Variants in GALC observed in about 807,000 individuals in gnomAD.
GALC encodes galactocerebrosidase.
Under a neutral mutation model 91.8 loss-of-function variants are expected in GALC, and 77 were observed. The observed-to-expected ratio is 0.84, with a 90% confidence interval of 0.70 to 1.01. The LOEUF is 1.01. GALC is among the 50% of genes least tolerant of loss of function. The probability of loss-of-function intolerance (pLI) is 0.00; values close to 1 mark genes in which losing one functional copy is unlikely to be tolerated. For missense variants in GALC, 882 were observed against 855.9 expected, an observed-to-expected ratio of 1.03 and a Z score of -0.38; for synonymous variants, 357 against 306.7, an observed-to-expected ratio of 1.16 and a Z score of -1.71.
intron 10 of GALC, among the ~76,000 whole-genome samples, chr14:87,958,973 G>A (rs533338897): frequency 4.2e-4 from 64 of 152,134 alleles, no homozygotes; most frequent in African/African-American, 1.4e-3. Context: ...CACAGACAAC[G>A]CAAAAATAGA....
chr14:87,993,228 G>A (rs1887314662), upstream of GALC: 2 of 1,547,204 alleles, frequency 1.3e-6, no homozygotes, highest in South Asian at 1.2e-5. Flanking sequence ...GATAGATACG[G>A]GCAGGAGGCC....
chr14:87,976,237 T>C, intron 7 of GALC, 121 bp downstream of exon 7: 1 of 1,008,870 alleles, frequency 9.9e-7, no homozygotes, highest in Non-Finnish European at 1.5e-6. Flanking sequence ...TTCAGGTAAG[T>C]GAATACAGGA....
intron 5 of GALC, among the ~76,000 whole-genome samples, chr14:87,983,445 T>C (rs1038525396): frequency 2.6e-5 from 4 of 152,242 alleles, no homozygotes; most frequent in Non-Finnish European, 5.9e-5. Context: ...ATGCCCTGTA[T>C]CATCATGTAG....
intron 16 of GALC, 56 bp from the exon 17 acceptor site, chr14:87,934,934 C>T (rs1355133279): frequency 1.1e-5 from 15 of 1,336,032 alleles, no homozygotes; most frequent in Non-Finnish European, 1.6e-5. Flanking sequence ...CCTCTGAAGT[C>T]TGTTTCTTGA....
Position 87,968,400 on chromosome 14 carries a change from A to G in GALC, c.843T>C (p.Ser281=). 6.2e-7 allele frequency: 1 copy of G among 1,613,842 alleles called. No homozygotes were observed. The change falls in exon 8 of 17, where the codon AGT becomes AGC. Residue 281 remains serine, a synonymous_variant. Coordinates refer to ENST00000261304, the MANE Select transcript of GALC (RefSeq NM_000153.4). ...WSSEDFSTLN[S]DMGAGCWGRI... ...GACCCCAGCAGCCTGCACCCATGTCACTATTTAAAGTGCTAAAGTCTTCAG... is the reference window on the plus strand; with the variant it reads ...GACCCCAGCAGCCTGCACCCATGTCGCTATTTAAAGTGCTAAAGTCTTCAG...
intron 2 of GALC, 89 bp from the exon 3 acceptor site, chr14:87,988,296 G>T: frequency 2.2e-6 from 3 of 1,365,108 alleles, no homozygotes; most frequent in Non-Finnish European, 3.1e-6. Flanking sequence ...TTTTACAGAC[G>T]CAAAAACAAA....
chr14:87,941,306 T>C (rs1884838366), intron 15 of GALC, 89 bp downstream of exon 15: 2 of 866,212 alleles, frequency 2.3e-6, no homozygotes, highest in African/African-American at 3.4e-5. Context: ...GGTTGAATTC[T>C]TTTTATCACT....
intron 8 of GALC, 33 bp downstream of exon 8, chr14:87,968,302 G>A: frequency 6.5e-7 from 1 of 1,547,502 alleles, no homozygotes; most frequent in Admixed American, 1.9e-5. Flanking sequence ...AATTTTTTTT[G>A]ATAAGAACTC....
At chr14:87,964,764 T>G (rs955250072) in intron 9 of GALC, among the ~76,000 whole-genome samples, 2 of 152,150 alleles carry the variant, frequency 1.3e-5, no homozygotes, top group African/African-American at 4.8e-5. Flanking sequence ...AAACCCAATT[T>G]GCCTCCATTG....
intron 10 of GALC, among the ~76,000 whole-genome samples, chr14:87,959,187 A>C (rs1035325209): frequency 1.3e-4 from 20 of 152,328 alleles, no homozygotes; most frequent in Middle Eastern, 3.4e-3. Flanking sequence ...TCTCAGAAGA[A>C]GACATACAAA....
chr14:87,936,914 T>TATATA (rs60680373), intron 16 of GALC, among the ~76,000 whole-genome samples: 3,055 of 105,588 alleles, frequency 0.029, 393 homozygotes, highest in African/African-American at 0.091. Context: ...ATATATATAT[T>TATATA]TATTTATTTT....
intron 6 of GALC, among the ~76,000 whole-genome samples, chr14:87,978,216 T>TAATTTTATATTTTTAG (rs1474529324): frequency 6.6e-6 from 1 of 152,158 alleles, no homozygotes; most frequent in African/African-American, 2.4e-5. Flanking sequence ...CATGCCTGGC[T>TAATTTTATATTTTTAG]AATTTTATAT....
rs1288442454 is a variant in GALC at position 87,941,427 on chromosome 14, G to A, written c.1802C>T (p.Ala601Val). 2 of 1,606,356 alleles carry A rather than the reference G, an allele frequency of 1.2e-6. No homozygotes were observed. Among genetic ancestry groups the A allele is most frequent in the African/African-American group, 1.3e-5 (1 of 74,132 alleles). Reference protein sequence around the residue: ...SARGIFFWIFANGSYRVTGDL... With the variant: ...SARGIFFWIFVNGSYRVTGDL... ...ACCTGTAACCCTGTAAGATCCATTT[G>A]CAAAAATCCAGAAGAAAATTCCTCT... The change falls in exon 15 of 17, where the codon GCA becomes GTA. Residue 601 changes from alanine (A) to valine (V), a missense_variant. Coordinates refer to ENST00000261304, the MANE Select transcript of GALC (RefSeq NM_000153.4).
At chr14:87,937,705 T>A (rs1232184787) in intron 16 of GALC, among the ~76,000 whole-genome samples, 1 of 151,368 alleles carries the variant, frequency 6.6e-6, no homozygotes, top group African/African-American at 2.4e-5. Context: ...ATGCCTCACA[T>A]CCTATTGATA....
At chr14:87,958,000 A>G (rs933865486) in intron 10 of GALC, among the ~76,000 whole-genome samples, 2 of 152,278 alleles carry the variant, frequency 1.3e-5, no homozygotes, top group Admixed American at 1.3e-4. Context: ...ACAGAATTAG[A>G]AAAAACAATC....
At chr14:87,962,603 A>G (rs1050663553) in intron 10 of GALC, among the ~76,000 whole-genome samples, 5 of 150,836 alleles carry the variant, frequency 3.3e-5, no homozygotes, top group African/African-American at 1.2e-4. Context: ...ACACACACAC[A>G]CACACACACA....
At chr14:87,980,498 C>T in intron 6 of GALC, 1 of 983,022 alleles carries the variant, frequency 1.0e-6, no homozygotes, top group Non-Finnish European at 1.2e-6. Context: ...CCCCCATATC[C>T]CTTTACCTCT....
intron 10 of GALC, among the ~76,000 whole-genome samples, chr14:87,960,417 C>G (rs1011559754): frequency 2.6e-5 from 4 of 152,198 alleles, no homozygotes; most frequent in African/African-American, 9.6e-5. Flanking sequence ...CTTTTGAATG[C>G]TTTCATCACA....
intron 10 of GALC, among the ~76,000 whole-genome samples, chr14:87,961,905 C>T (rs1885823126): frequency 6.6e-6 from 1 of 152,190 alleles, no homozygotes; most frequent in African/African-American, 2.4e-5. Context: ...TCATCCCTTC[C>T]TCTCCAAATG....
Sources: gnomAD v4.1 joint callset for allele counts (sites outside exome capture counted in the v4.1 genomes callset) on GRCh38, gnomAD v4.1.1 for gene constraint, MANE v1.5 for transcripts, NCBI Gene and HGNC (gene_info 2026-07-23, HGNC 2026-07-21) for gene names.